Variants in ASCC3 observed in about 807,000 individuals in gnomAD.
ASCC3 encodes ASC-1 complex subunit P200.
A neutral mutation model predicts 256.3 loss-of-function variants in ASCC3; 158 were observed. The ratio of observed to expected loss-of-function variants is 0.62; its 90% CI spans 0.54 to 0.70. The LOEUF (loss-of-function observed/expected upper bound fraction) is 0.70. Ranked by LOEUF, ASCC3 falls within the 30% of genes least tolerant of loss-of-function variation. The probability of loss-of-function intolerance (pLI) is 0.00; values close to 1 mark genes in which losing one functional copy is unlikely to be tolerated. For missense variants in ASCC3, 2,259 were observed against 2,626.0 expected (o/e 0.86, Z 3.05); for synonymous variants, 948 against 883.4 (o/e 1.07, Z -1.30).
chr6:100,666,730 C>A (rs1776494059), intron 14 of ASCC3, among the ~76,000 whole-genome samples: 1 of 152,006 alleles, frequency 6.6e-6, no homozygotes, highest in Non-Finnish European at 1.5e-5. Flanking sequence ...TACAGCTGTA[C>A]AATTTGACCT....
At chr6:100,604,863 G>T (rs1242949989) in intron 33 of ASCC3, among the ~76,000 whole-genome samples, 1 of 152,066 alleles carries the variant, frequency 6.6e-6, no homozygotes, top group Non-Finnish European at 1.5e-5. Flanking sequence ...TGGTAAAGGA[G>T]ATCCAATATA....
At chr6:100,758,582 G>A (rs1271750753) in intron 10 of ASCC3, among the ~76,000 whole-genome samples, 1 of 152,104 alleles carries the variant, frequency 6.6e-6, no homozygotes, top group Admixed American at 6.5e-5. Context: ...TCCTTTTTAT[G>A]GCTGCATAGT....
At chr6:100,586,996 T>C (rs1771728277) in intron 36 of ASCC3, among the ~76,000 whole-genome samples, 8 of 152,172 alleles carry the variant, frequency 5.3e-5, no homozygotes, top group Admixed American at 5.2e-4. Context: ...TCAATGAATG[T>C]ATCTTAGTAA....
intron 33 of ASCC3, 65 bp from the exon 34 acceptor site, chr6:100,602,000 T>A (rs1207214179): frequency 7.7e-6 from 12 of 1,550,448 alleles, no homozygotes; most frequent in Non-Finnish European, 1.1e-5. Context: ...GAAATTTATC[T>A]CACATAGTCA....
chr6:100,679,174 T>C (rs1371665874), intron 14 of ASCC3, among the ~76,000 whole-genome samples: 1 of 151,292 alleles, frequency 6.6e-6, no homozygotes, highest in Non-Finnish European at 1.5e-5. Context: ...AACAAGCTGT[T>C]GACAAACTTT....
intron 23 of ASCC3, among the ~76,000 whole-genome samples, chr6:100,642,960 T>A (rs1385663016): frequency 6.6e-6 from 1 of 152,172 alleles, no homozygotes; most frequent in Non-Finnish European, 1.5e-5. Flanking sequence ...TTATGGCTAA[T>A]TTATATTATT....
intron 13 of ASCC3, among the ~76,000 whole-genome samples, chr6:100,697,545 T>TA (rs35793750): frequency 0.03 from 4,483 of 149,410 alleles, 191 homozygotes; most frequent in African/African-American, 0.093. Context: ...GTAACTGTAT[T>TA]AAAAAAAAAA....
chr6:100,721,724 CA>C (rs1470923341), intron 11 of ASCC3, among the ~76,000 whole-genome samples: 1 of 151,608 alleles, frequency 6.6e-6, no homozygotes, highest in East Asian at 1.9e-4. Context: ...AAACAAGTCC[CA>C]AATATTTCTA....
At chr6:100,650,099 AC>A (rs1775582939) in intron 20 of ASCC3, among the ~76,000 whole-genome samples, 2 of 151,700 alleles carry the variant, frequency 1.3e-5, no homozygotes, top group Non-Finnish European at 3.0e-5. Flanking sequence ...TATGTTTACT[AC>A]GCCTTGTTTA....
intron 36 of ASCC3, among the ~76,000 whole-genome samples, chr6:100,584,405 G>A (rs1771518950): frequency 6.6e-6 from 1 of 151,632 alleles, no homozygotes; most frequent in Admixed American, 6.7e-5. Context: ...GACTAGGATT[G>A]CAACCTCTCC....
At chr6:100,515,041 A>G (rs1033107074) in intron 39 of ASCC3, among the ~76,000 whole-genome samples, 1 of 152,188 alleles carries the variant, frequency 6.6e-6, no homozygotes, top group Non-Finnish European at 1.5e-5. Context: ...GGTTTTAAAG[A>G]TAACAGAATG....
intron 30 of ASCC3, 47 bp from the exon 31 acceptor site, chr6:100,607,135 A>G (rs751662459): frequency 3.8e-6 from 6 of 1,575,070 alleles, no homozygotes; most frequent in Non-Finnish European, 5.2e-6. Context: ...TAACTTTAAA[A>G]TTTTCATTAA....
At chr6:100,737,461 T>A (rs982876583) in intron 10 of ASCC3, among the ~76,000 whole-genome samples, 5 of 152,120 alleles carry the variant, frequency 3.3e-5, no homozygotes, top group African/African-American at 1.2e-4. Flanking sequence ...CTCTGACTTA[T>A]AAGTGAGAAT....
chr6:100,584,922 G>T (rs1466759052), intron 36 of ASCC3, among the ~76,000 whole-genome samples: 1 of 152,172 alleles, frequency 6.6e-6, no homozygotes, highest in African/African-American at 2.4e-5. Context: ...CTCTCTTCTA[G>T]CTTGTAGAGT....
chr6:100,646,258 T>C (rs997763175), intron 22 of ASCC3, among the ~76,000 whole-genome samples: 1 of 152,128 alleles, frequency 6.6e-6, no homozygotes, highest in African/African-American at 2.4e-5. Flanking sequence ...ATTACTAATA[T>C]ACCATGGTTT....
At chr6:100,563,281 C>T (rs1045756033) in intron 36 of ASCC3, among the ~76,000 whole-genome samples, 2 of 152,066 alleles carry the variant, frequency 1.3e-5, no homozygotes, top group Admixed American at 6.6e-5. Context: ...CCCATCTTCC[C>T]GTTTTAGAAT....
chr6:100,575,226 G>T (rs1770795901), intron 36 of ASCC3, among the ~76,000 whole-genome samples: 1 of 151,170 alleles, frequency 6.6e-6, no homozygotes, highest in Non-Finnish European at 1.5e-5. Flanking sequence ...TTTTTTACGT[G>T]CTGGGTCCCC....
chr6:100,651,550 G>T lies in ASCC3; in HGVS notation c.3075+10C>A. On this transcript the variant is annotated intron_variant, in intron 19 of 41. Coordinates refer to ENST00000369162, the MANE Select transcript of ASCC3 (RefSeq NM_006828.4). ...TGTATGCATTTGATTCAAATTTCAA[G>T]AAATCTTACCTTAATTTGATCAAAT... 6.5e-7 allele frequency: 1 copy of T among 1,532,124 alleles called. No individual in the cohort carries two copies. Among genetic ancestry groups the T allele is most frequent in the Admixed American group, 1.8e-5 (1 of 56,542 alleles). The allele number at this position is 1,532,124 out of a possible 1,614,324, so 94.9% of individuals were successfully genotyped here.
intron 36 of ASCC3, among the ~76,000 whole-genome samples, chr6:100,554,551 A>T (rs1769472991): frequency 6.6e-6 from 1 of 152,186 alleles, no homozygotes. Flanking sequence ...AGTAAAACTT[A>T]TAAAGTTAAT....
Sources: gnomAD v4.1 joint callset for allele counts (sites outside exome capture counted in the v4.1 genomes callset) on GRCh38, gnomAD v4.1.1 for gene constraint, MANE v1.5 for transcripts, NCBI Gene and HGNC (gene_info 2026-07-23, HGNC 2026-07-21) for gene names.